The following SYN3 variants were observed in gnomAD, a reference collection of about 807,000 sequenced individuals.
The protein encoded by SYN3 is synapsin-3.
A neutral mutation model predicts 65.8 loss-of-function variants in SYN3; 35 were observed. The ratio of observed to expected loss-of-function variants is 0.53; its 90% CI spans 0.41 to 0.70. The LOEUF is 0.70. Ranked by LOEUF, SYN3 falls within the 30% of genes least tolerant of loss-of-function variation. The pLI is 0.00. For missense variants in SYN3, 680 were observed against 749.0 expected, an observed-to-expected ratio of 0.91 and a Z score of 1.08; for synonymous variants, 270 against 292.9, an observed-to-expected ratio of 0.92 and a Z score of 0.80.
chr22:32,804,320 G>A (rs764715172), intron 6 of SYN3, among the ~76,000 whole-genome samples: 5 of 152,274 alleles, frequency 3.3e-5, no homozygotes, highest in Admixed American at 1.3e-4. Flanking sequence ...CACCCTGCTG[G>A]CGTCCAGTAC....
intron 6 of SYN3, among the ~76,000 whole-genome samples, chr22:32,767,974 T>C (rs902568912): frequency 3.3e-5 from 5 of 152,234 alleles, no homozygotes; most frequent in African/African-American, 4.8e-5. Flanking sequence ...TAGTTTAACA[T>C]GTCACCCCTT....
At position 32,533,820 on chromosome 22, in the gene SYN3, G is replaced by T. The variant is rs377715786; in HGVS notation, c.1068C>A (p.Ser356Arg). The T allele has an allele frequency of 1.5e-5, 25 of 1,613,726 alleles. No homozygotes were observed. Among genetic ancestry groups the T allele is most frequent in the Non-Finnish European group, 2.0e-5 (24 of 1,179,736 alleles). ...LDICAVKAVH[S>R]KDGRDYIIEV... ...CGATGATGTAATCTCTGCCATCCTT[G>T]CTGTGGACAGCCTTGACGGCACAGA... Residue 356 changes from serine to arginine, a missense_variant, in exon 10 of 14, where the codon AGC becomes AGA. Ser to Arg is a moderately radical substitution (Grantham distance 110). Transcript: ENST00000358763.
chr22:32,863,403 G>A (rs1268089968), intron 6 of SYN3, among the ~76,000 whole-genome samples: 1 of 152,212 alleles, frequency 6.6e-6, no homozygotes, highest in Non-Finnish European at 1.5e-5. Context: ...TGGAGGTGGG[G>A]AGGGGCGGCC....
chr22:32,901,534 G>A (rs1601655182), intron 4 of SYN3, among the ~76,000 whole-genome samples: 2 of 152,216 alleles, frequency 1.3e-5, no homozygotes, highest in Middle Eastern at 3.4e-3. Flanking sequence ...TGCTTGTCTT[G>A]GAGCTCCTCT....
intron 2 of SYN3, among the ~76,000 whole-genome samples, chr22:32,996,654 G>A (rs1237861877): frequency 1.3e-5 from 2 of 152,262 alleles, no homozygotes; most frequent in African/African-American, 4.8e-5. Flanking sequence ...CTAAACATAC[G>A]GGAAAGAATA....
intron 6 of SYN3, among the ~76,000 whole-genome samples, chr22:32,761,228 C>A (rs1170060814): frequency 6.6e-6 from 1 of 152,182 alleles, no homozygotes; most frequent in Non-Finnish European, 1.5e-5. Context: ...GCTTTCCTGG[C>A]CTCAGTTTCC....
rs1334760736 is a variant in SYN3, at chr22:32,509,531, T to C, written c.*4161A>G. Among the ~76,000 whole-genome samples, 1 of 151,648 alleles carries C rather than the reference T, an allele frequency of 6.6e-6. No individual in the cohort carries two copies. The highest frequency in any genetic ancestry group is 2.4e-5 in the African/African-American group (1 of 41,140). On this transcript the variant is annotated 3_prime_UTR_variant, in exon 14 of 14. Transcript: ENST00000358763. ...ATGAGACCTATGTGTCCTTGGTTCC[T>C]ATGTTCATACACAGACCAATGGGGA... is the stretch of plus-strand genomic sequence containing the variant.
chr22:32,817,061 T>TAA (rs1569247404), intron 6 of SYN3, among the ~76,000 whole-genome samples: 3 of 28,166 alleles, frequency 1.1e-4, no homozygotes, highest in Admixed American at 4.2e-4. Context: ...CTCTACTAAT[T>TAA]TAAAAAAAAA....
chr22:33,013,191 T>A (rs1315045529), intron 1 of SYN3, among the ~76,000 whole-genome samples: 2 of 152,226 alleles, frequency 1.3e-5, no homozygotes. Flanking sequence ...TCTTACCATC[T>A]TTTGACCTAC....
intron 6 of SYN3, among the ~76,000 whole-genome samples, chr22:32,657,247 C>T (rs1355503732): frequency 6.6e-6 from 1 of 152,174 alleles, no homozygotes; most frequent in Non-Finnish European, 1.5e-5. Flanking sequence ...TCTCAGCCTC[C>T]TGAGTAGCTG....
At chr22:32,556,629 TC>T (rs1228182577) in intron 7 of SYN3, among the ~76,000 whole-genome samples, 1 of 151,950 alleles carries the variant, frequency 6.6e-6, no homozygotes, top group Non-Finnish European at 1.5e-5. Flanking sequence ...CTTTTGGAGT[TC>T]TCCTCTAACA....
At chr22:32,574,779 T>A (rs2058828535) in intron 7 of SYN3, among the ~76,000 whole-genome samples, 1 of 152,228 alleles carries the variant, frequency 6.6e-6, no homozygotes, top group Non-Finnish European at 1.5e-5. Context: ...GATCATCCCA[T>A]CTAAAGCAGC....
At chr22:32,597,800 G>A (rs2059223691) in intron 6 of SYN3, among the ~76,000 whole-genome samples, 1 of 152,134 alleles carries the variant, frequency 6.6e-6, no homozygotes, top group Admixed American at 6.5e-5. Context: ...TACTGAATCT[G>A]TCCTTCAATC....
chr22:32,801,983 A>AGCG lies in SYN3; in HGVS notation c.711+62929_711+62931dup. 1 of 1,581,958 alleles carries AGCG rather than the reference A, an allele frequency of 6.3e-7. No homozygotes were observed. The highest frequency in any genetic ancestry group is 8.5e-7 in the Non-Finnish European group (1 of 1,171,046). On this transcript the variant is annotated intron_variant, in intron 6 of 13. Coordinates refer to ENST00000358763, the MANE Select transcript of SYN3 (RefSeq NM_003490.4). This position sits in a 1 kb window ranked among gnomAD's most constrained non-coding sequence, Gnocchi z 4.7. ...TGGAGAGGCGAGCAGCAGCCCCGGC[A>AGCG]GCGGCGGCAGCAGCGGCAATGACCC...
rs187072879 is a variant in SYN3 at position 32,750,758 on chromosome 22, C to T, written c.711+114157G>A. 1.8e-4 allele frequency among the ~76,000 whole-genome samples: 28 copies of T among 152,116 alleles called. No homozygotes were observed. The East Asian group carries it at 2.9e-3, about 16-fold the overall frequency. ...ACCTTGGGATTACAGGGTTTGTTAA[C>T]GGATTTGATTGGGTGTGAGGGTGGG... On this transcript the variant is annotated intron_variant, in intron 6 of 13. Coordinates refer to ENST00000358763, the MANE Select transcript of SYN3 (RefSeq NM_003490.4).
At chr22:32,620,297 G>C (rs2059576304) in intron 6 of SYN3, among the ~76,000 whole-genome samples, 1 of 152,178 alleles carries the variant, frequency 6.6e-6, no homozygotes, top group African/African-American at 2.4e-5. Flanking sequence ...TGAGTGAAGA[G>C]AGCCAGTGTA....
At chr22:33,051,320 G>C (rs913015678) in intron 1 of SYN3, among the ~76,000 whole-genome samples, 1 of 152,090 alleles carries the variant, frequency 6.6e-6, no homozygotes, top group Non-Finnish European at 1.5e-5. Flanking sequence ...ATCTTTGGAG[G>C]ACCGCAAGAG....
chr22:32,970,641 T>C (rs923269661), intron 3 of SYN3, among the ~76,000 whole-genome samples: 4 of 150,192 alleles, frequency 2.7e-5, no homozygotes, highest in African/African-American at 9.8e-5. Flanking sequence ...TGAAAAAATA[T>C]AGAATTGTTA....
intron 4 of SYN3, among the ~76,000 whole-genome samples, chr22:32,876,309 C>T (rs2048980458): frequency 6.6e-6 from 1 of 152,166 alleles, no homozygotes; most frequent in Non-Finnish European, 1.5e-5. Context: ...ATGGCCCCAC[C>T]TCCTAATCGC....
Sources: gnomAD v4.1 joint callset for allele counts (sites outside exome capture counted in the v4.1 genomes callset) on GRCh38, gnomAD v4.1.1 for gene constraint, Gnocchi (gnomAD v3.1) non-coding constraint, MANE v1.5 for transcripts, NCBI Gene and HGNC (gene_info 2026-07-23, HGNC 2026-07-21) for gene names.